FAM117B: variants seen among roughly 807,000 people sequenced by gnomAD.
FAM117B encodes family with sequence similarity 117 member B.
FAM117B carries 22 observed loss-of-function variants against 52.8 expected under a neutral mutation model. The ratio of observed to expected loss-of-function variants is 0.42; its 90% CI spans 0.30 to 0.59. The LOEUF (loss-of-function observed/expected upper bound fraction) is 0.59, where lower values mean the gene tolerates loss of function less well. FAM117B is among the 20% of genes least tolerant of loss of function. The probability of loss-of-function intolerance (pLI) is 0.22; values close to 1 mark genes in which losing one functional copy is unlikely to be tolerated. For missense variants in FAM117B, 678 were observed against 802.6 expected (o/e 0.84, Z 1.88); for synonymous variants, 309 against 324.1 (o/e 0.95, Z 0.50).
At chr2:202,679,563 A>G (rs961640633) in intron 1 of FAM117B, among the ~76,000 whole-genome samples, 2 of 152,204 alleles carry the variant, frequency 1.3e-5, no homozygotes, top group African/African-American at 4.8e-5. Flanking sequence ...GTTGTTAAGC[A>G]CTTACCAGAG....
chr2:202,764,555 C>G (rs1691947670), intron 7 of FAM117B, among the ~76,000 whole-genome samples: 1 of 152,114 alleles, frequency 6.6e-6, no homozygotes, highest in African/African-American at 2.4e-5. Flanking sequence ...CAGGTGTGAA[C>G]CACCATGGCT....
chr2:202,741,534 G>A (rs1229470878), intron 4 of FAM117B, among the ~76,000 whole-genome samples: 1 of 141,734 alleles, frequency 7.1e-6, no homozygotes, highest in African/African-American at 2.7e-5. Context: ...TAAAACCAAT[G>A]AAAAAAAATT....
chr2:202,644,653 G>T (rs182738104), intron 1 of FAM117B, among the ~76,000 whole-genome samples: 2 of 152,188 alleles, frequency 1.3e-5, no homozygotes, highest in Non-Finnish European at 2.9e-5. Flanking sequence ...GTTATACCCA[G>T]ACCTTGAATA....
In FAM117B at chr2:202,655,755, AGAGAGAGTGT is replaced by A. The variant is rs1225332169; in HGVS notation, c.601+19969_601+19978del. On this transcript the variant is annotated intron_variant, in intron 1 of 7. Transcript: ENST00000392238. Reference sequence around the variant, plus strand: ...GAGAGAGAGAGAGAGAGAGAGAGAGAGAGAGAGTGTGTGTGTGTGTGTGTGTGTGTTGAAG... The same window carrying A: ...GAGAGAGAGAGAGAGAGAGAGAGAGAGTGTGTGTGTGTGTGTGTGTTGAAG... Among the ~76,000 whole-genome samples the A allele has an allele frequency of 3.5e-3, 471 of 133,302 alleles. 2 individuals carry two copies. The highest frequency in any genetic ancestry group is 0.013 in the African/African-American group (429 of 32,360). The allele number at this position is 133,302 out of a possible 152,430, so 87.5% of individuals were successfully genotyped here. A position where few individuals can be genotyped will look rare whatever the true frequency, so the allele number is the denominator to read the frequency against.
intron 4 of FAM117B, among the ~76,000 whole-genome samples, chr2:202,739,394 T>C (rs1691489407): frequency 6.6e-6 from 1 of 151,260 alleles, no homozygotes; most frequent in Admixed American, 6.6e-5. Context: ...TCCCTTTCCG[T>C]CTGTCTTTCT....
intron 2 of FAM117B, 70 bp from the exon 3 acceptor site, chr2:202,724,847 A>G (rs1691213135): frequency 8.9e-7 from 1 of 1,127,442 alleles, no homozygotes; most frequent in Non-Finnish European, 1.2e-6. Flanking sequence ...GTTTTATAAT[A>G]GAAAAATATG....
intron 1 of FAM117B, among the ~76,000 whole-genome samples, chr2:202,681,231 A>G (rs142274410): frequency 1.8e-4 from 28 of 152,342 alleles, no homozygotes; most frequent in Middle Eastern, 3.4e-3. Context: ...AACCAAGATT[A>G]TGAAGGAAGA....
intron 1 of FAM117B, 101 bp downstream of exon 1, chr2:202,635,889 C>T: frequency 2.4e-6 from 2 of 846,442 alleles, no homozygotes; most frequent in Non-Finnish European, 1.6e-6. Context: ...CCGCGGAGCC[C>T]GGGTGGCTGG....
At chr2:202,653,548 G>C (rs1346221162) in intron 1 of FAM117B, among the ~76,000 whole-genome samples, 4 of 152,120 alleles carry the variant, frequency 2.6e-5, no homozygotes, top group African/African-American at 7.2e-5. Context: ...GAAGCTTTGA[G>C]TATCACTGGA....
intron 1 of FAM117B, among the ~76,000 whole-genome samples, chr2:202,664,642 TG>T (rs1289619955): frequency 3.9e-5 from 6 of 152,314 alleles, no homozygotes; most frequent in Non-Finnish European, 7.3e-5. Flanking sequence ...TGCAAGTACA[TG>T]ATTGAGTCCT....
chr2:202,741,626 T>C (rs998342166), intron 4 of FAM117B, among the ~76,000 whole-genome samples: 4 of 151,630 alleles, frequency 2.6e-5, no homozygotes, highest in Non-Finnish European at 2.9e-5. Flanking sequence ...AAGCTCCGCC[T>C]CCTGGGTTGA....
At chr2:202,676,431 T>A (rs1004910932) in intron 1 of FAM117B, among the ~76,000 whole-genome samples, 2 of 151,804 alleles carry the variant, frequency 1.3e-5, no homozygotes, top group East Asian at 1.9e-4. Context: ...CCAGGCTGGA[T>A]TGCAGTGGCG....
chr2:202,724,131 C>T (rs1691198666), intron 2 of FAM117B, among the ~76,000 whole-genome samples: 1 of 138,152 alleles, frequency 7.2e-6, no homozygotes, highest in South Asian at 2.3e-4. Context: ...GATCTCGGCT[C>T]ACTGCAATCT....
chr2:202,713,091 T>C (rs1690983042), intron 2 of FAM117B, among the ~76,000 whole-genome samples: 1 of 152,172 alleles, frequency 6.6e-6, no homozygotes, highest in African/African-American at 2.4e-5. Flanking sequence ...CAGAATAGTT[T>C]TAGTAGGATT....
At chr2:202,729,762 A>G (rs1167755231) in intron 4 of FAM117B, among the ~76,000 whole-genome samples, 1 of 152,212 alleles carries the variant, frequency 6.6e-6, no homozygotes, top group African/African-American at 2.4e-5. Context: ...TCATGTCCCC[A>G]GATAGGAGTA....
chr2:202,724,051 C>CTTTTTTT (rs34063266), intron 2 of FAM117B, among the ~76,000 whole-genome samples: 23 of 89,788 alleles, frequency 2.6e-4, no homozygotes, highest in South Asian at 4.1e-4. Flanking sequence ...TAAGGTTTAA[C>CTTTTTTT]TTTTTTTTTT....
At chr2:202,719,248 G>A (rs1024061054) in intron 2 of FAM117B, among the ~76,000 whole-genome samples, 1 of 152,108 alleles carries the variant, frequency 6.6e-6, no homozygotes, top group African/African-American at 2.4e-5. Flanking sequence ...GACCAAAGCT[G>A]TCTGTTGTTC....
chr2:202,724,097 A>T (rs1691197932), intron 2 of FAM117B, among the ~76,000 whole-genome samples: 1 of 119,232 alleles, frequency 8.4e-6, no homozygotes, highest in South Asian at 2.5e-4. Flanking sequence ...TCCCTCTGTC[A>T]TCCAGGCTGG....
At position 202,752,103 on chromosome 2, in the gene FAM117B, GA is replaced by G. The variant is rs577576020; in HGVS notation, c.961-3428del. ...ATGTGAAAGAAAATAAGTGACACTT[GA>G]AAAAAATGTGAAAAGATAATTATTT... On this transcript the variant is annotated intron_variant, in intron 4 of 7. Coordinates refer to ENST00000392238, the MANE Select transcript of FAM117B (RefSeq NM_173511.4). 4.3e-3 allele frequency among the ~76,000 whole-genome samples: 660 copies of G among 151,954 alleles called. 5 individuals are homozygous for G. The highest frequency in any genetic ancestry group is 0.013 in the African/African-American group (551 of 41,494).
Sources: gnomAD v4.1 joint callset for allele counts (sites outside exome capture counted in the v4.1 genomes callset) on GRCh38, gnomAD v4.1.1 for gene constraint, MANE v1.5 for transcripts, NCBI Gene and HGNC (gene_info 2026-07-23, HGNC 2026-07-21) for gene names.